The following UBA6 variants were observed in gnomAD, a reference collection of about 807,000 sequenced individuals.
The protein encoded by UBA6 is ubiquitin-like modifier-activating enzyme 6.
In UBA6, 87 loss-of-function variants were observed where a neutral mutation model predicts 148.3. The observed-to-expected ratio is 0.59, with a 90% CI of 0.49 to 0.70. The LOEUF (loss-of-function observed/expected upper bound fraction) is 0.70, where lower values mean the gene tolerates loss of function less well. Among genes scored for constraint, UBA6 ranks in the 30% least tolerant of loss-of-function variants. The pLI is 0.00. For synonymous variants in UBA6, 376 were observed against 401.0 expected, an observed-to-expected ratio of 0.94 and a Z score of 0.75; for missense variants, 1,186 against 1,241.2, an observed-to-expected ratio of 0.96 and a Z score of 0.67.
rs2109899357 is a variant in UBA6 at position 67,629,077 on chromosome 4, G to A, written c.2394C>T (p.Ser798=). 6.2e-7 allele frequency: 1 copy of A among 1,603,656 alleles called. No homozygotes were observed. Residue 798 remains serine, a synonymous_variant, in exon 27 of 33, where the codon TCC becomes TCT. Transcript: ENST00000322244. ...SEVKIQEFKP[S]NKVVQTDETA... ...AATGATTTTTTAAACATACCTTATTGGAAGGCTTGAATTCCTGAATCTTTA... is the reference window on the plus strand; with the variant it reads ...AATGATTTTTTAAACATACCTTATTAGAAGGCTTGAATTCCTGAATCTTTA...
rs185701250 is a variant in UBA6, at chr4:67,617,312, C to G, written c.*1685G>C. 9.7e-4 allele frequency: 147 copies of G among 152,228 alleles called. No individual in the cohort carries two copies. The highest frequency in any genetic ancestry group is 3.3e-3 in the African/African-American group (139 of 41,570). 9.4% of individuals were successfully genotyped at this position (152,228 alleles called of 1,614,324 possible). ...GCAAAAGTCCTTTTATTAGTCCTAT[C>G]CTCTAAAATTCCAAGCCACAGAGCC... On this transcript the variant is annotated 3_prime_UTR_variant, in exon 33 of 33. Transcript: ENST00000322244.
intron 2 of UBA6, among the ~76,000 whole-genome samples, chr4:67,696,338 T>TA (rs898586736): frequency 2.6e-4 from 40 of 151,926 alleles, no homozygotes; most frequent in South Asian, 1.2e-3. Flanking sequence ...CGAATGTAGA[T>TA]AAAAAAAATC....
At chr4:67,685,267 CCTA>C (rs1406013273) in intron 2 of UBA6, among the ~76,000 whole-genome samples, 1 of 152,238 alleles carries the variant, frequency 6.6e-6, no homozygotes, top group East Asian at 1.9e-4. Context: ...CTATTAACTT[CCTA>C]CTAAGAAAGA....
intron 19 of UBA6, among the ~76,000 whole-genome samples, chr4:67,637,916 A>C (rs1401196397): frequency 6.8e-6 from 1 of 147,648 alleles, no homozygotes; most frequent in African/African-American, 2.5e-5. Flanking sequence ...CTATGCGAGA[A>C]ACACCCAAGA....
intron 2 of UBA6, among the ~76,000 whole-genome samples, chr4:67,688,944 C>G (rs1457309050): frequency 6.6e-6 from 1 of 151,886 alleles, no homozygotes; most frequent in Non-Finnish European, 1.5e-5. Context: ...AAAAACAATA[C>G]TGGATATTTA....
chr4:67,616,090 T>A lies in UBA6; in HGVS notation c.*2907A>T, dbSNP rs1354055636. The A allele has an allele frequency of 1.8e-5, 7 of 395,808 alleles. No individual in the cohort carries two copies. The highest frequency in any genetic ancestry group is 1.0e-4 in the African/African-American group (5 of 48,518). The allele number at this position is 395,808 out of a possible 1,614,324, so 24.5% of individuals were successfully genotyped here. On this transcript the variant is annotated 3_prime_UTR_variant, in exon 33 of 33. Coordinates refer to ENST00000322244, the MANE Select transcript of UBA6 (RefSeq NM_018227.6). ...ATTTCTCAATAAAAAAACAAAGTTA[T>A]GACATAGAGCAAAATGAACACATAT...
chr4:67,693,742 A>G (rs1577843938), intron 2 of UBA6, among the ~76,000 whole-genome samples: 1 of 152,108 alleles, frequency 6.6e-6, no homozygotes, highest in Non-Finnish European at 1.5e-5. Context: ...AGAAAAGAGA[A>G]CTTCTGGAAT....
chr4:67,673,574 A>C (rs1730202419), intron 7 of UBA6, 123 bp downstream of exon 7: 1 of 527,252 alleles, frequency 1.9e-6, no homozygotes, highest in Non-Finnish European at 3.3e-6. Context: ...AAATTAATGA[A>C]AAAAATGATT....
At chr4:67,682,294 G>T in intron 2 of UBA6, 81 bp from the exon 3 acceptor site, 1 of 1,058,918 alleles carries the variant, frequency 9.4e-7, no homozygotes, top group Non-Finnish European at 1.4e-6. Context: ...CAAACTAAAA[G>T]CCTAGGAACT....
chr4:67,631,722 A>G lies in UBA6; in HGVS notation c.2244T>C (p.Asp748=). 2.5e-6 allele frequency: 4 copies of G among 1,608,688 alleles called. No individual in the cohort carries two copies. The highest frequency in any genetic ancestry group is 2.5e-6 in the Non-Finnish European group (3 of 1,177,444). The change falls in exon 25 of 33, where the codon GAT becomes GAC. Residue 748 remains aspartate, a synonymous_variant. Coordinates refer to ENST00000322244, the MANE Select transcript of UBA6 (RefSeq NM_018227.6). ...TAAATACTTACAAAGGCTCATTTAA[A>G]TCAAATTTTATTGGAGAGGGTGGCC... ...PKRPPSPIKF[D]LNEPLHLSFL...
chr4:67,661,897 A>G, intron 13 of UBA6: 1 of 407,350 alleles, frequency 2.5e-6, no homozygotes. Flanking sequence ...TAACAGAATA[A>G]TAAAGAATAA....
intron 9 of UBA6, among the ~76,000 whole-genome samples, chr4:67,665,562 AT>A (rs989667350): frequency 5.9e-5 from 9 of 151,586 alleles, no homozygotes; most frequent in African/African-American, 2.2e-4. Context: ...AGGGCTACTC[AT>A]TATTAGATAT....
At chr4:67,643,197 TATAATA>T (rs542152134) in intron 17 of UBA6, among the ~76,000 whole-genome samples, 34 of 151,886 alleles carry the variant, frequency 2.2e-4, no homozygotes, top group African/African-American at 7.5e-4. Flanking sequence ...AAACTTAAAG[TATAATA>T]ATAATAAAAT....
intron 2 of UBA6, among the ~76,000 whole-genome samples, chr4:67,693,101 T>C (rs1730733558): frequency 6.6e-6 from 1 of 151,822 alleles, no homozygotes; most frequent in South Asian, 2.1e-4. Context: ...TGTGCCTGCC[T>C]CTCTTTCCCT....
In UBA6 at chr4:67,630,466, C is replaced by G. The variant is rs776977117; in HGVS notation, c.2328G>C (p.Glu776Asp). The G allele has an allele frequency of 6.3e-7, 1 of 1,582,480 alleles. No individual in the cohort carries two copies. The highest frequency in any genetic ancestry group is 8.6e-7 in the Non-Finnish European group (1 of 1,162,752). Residue 776 changes from glutamate to aspartate, a missense_variant and splice_region_variant, in exon 26 of 33, where the codon GAG becomes GAC. Physicochemically the swap from Glu to Asp is conservative, Grantham distance 45. Coordinates refer to ENST00000322244, the MANE Select transcript of UBA6 (RefSeq NM_018227.6). Reference sequence around the variant, plus strand: ...TGCTAAGGCTTAAAGAATATCTTACCTCTTCTGCAAATGGAATACAATATA... The same window carrying G: ...TGCTAAGGCTTAAAGAATATCTTACGTCTTCTGCAAATGGAATACAATATA... The part of the protein sequence containing the change: ...ATVYCIPFAE[E>D]DLSADALLNI...
At chr4:67,627,104 C>A (rs143454179) in intron 27 of UBA6, among the ~76,000 whole-genome samples, 39 of 151,918 alleles carry the variant, frequency 2.6e-4, no homozygotes, top group African/African-American at 9.2e-4. Context: ...GTAATTTAAC[C>A]TTAAGAAATT....
Position 67,616,291 on chromosome 4 carries a change from A to G in UBA6, c.*2706T>C, listed in dbSNP as rs1428647369. 7.8e-6 allele frequency: 3 copies of G among 387,030 alleles called. No homozygotes were observed. The highest frequency in any genetic ancestry group is 6.2e-5 in the African/African-American group (3 of 48,328). The allele number at this position is 387,030 out of a possible 1,614,324, so 24.0% of individuals were successfully genotyped here. On this transcript the variant is annotated 3_prime_UTR_variant, in exon 33 of 33. Transcript: ENST00000322244. Reference sequence around the variant, plus strand: ...TCACAATGAATATTCATTATAGTGGAAAGATTTAGGTCACGAGATTTTTTT... The same window carrying G: ...TCACAATGAATATTCATTATAGTGGGAAGATTTAGGTCACGAGATTTTTTT...
intron 13 of UBA6, among the ~76,000 whole-genome samples, chr4:67,650,442 C>T (rs1729526398): frequency 6.6e-6 from 1 of 152,060 alleles, no homozygotes; most frequent in African/African-American, 2.4e-5. Context: ...AGTACACAAA[C>T]ATCTAAATTT....
chr4:67,687,074 C>T (rs1160919055), intron 2 of UBA6, among the ~76,000 whole-genome samples: 1 of 110,282 alleles, frequency 9.1e-6, no homozygotes. Flanking sequence ...CTCACTTTGT[C>T]GCCCAGGCTG....
Sources: allele counts gnomAD v4.1 joint callset (sites outside exome capture counted in the v4.1 genomes callset), GRCh38; gene constraint gnomAD v4.1.1; transcripts MANE v1.5; gene names NCBI Gene and HGNC (gene_info 2026-07-23, HGNC 2026-07-21).